SLC25A30: variants seen among roughly 807,000 people sequenced by gnomAD.
The protein encoded by SLC25A30 is kidney mitochondrial carrier protein 1.
In SLC25A30, 29 loss-of-function variants were observed where a neutral mutation model predicts 42.7. The ratio of observed to expected loss-of-function variants is 0.68; its 90% CI spans 0.51 to 0.93. The LOEUF is 0.93. Among genes scored for constraint, SLC25A30 ranks in the 40% least tolerant of loss-of-function variants. The pLI, the probability that SLC25A30 is intolerant of heterozygous loss-of-function variation, is 0.00. For synonymous variants in SLC25A30, 124 were observed against 131.0 expected, an observed-to-expected ratio of 0.95 and a Z score of 0.37; for missense variants, 300 against 359.7, an observed-to-expected ratio of 0.83 and a Z score of 1.34.
Position 45,393,409 on chromosome 13 carries a change from A to G in SLC25A30, c.*2565T>C, listed in dbSNP as rs1225062937. ...AATGTTTAAATAAAGAGCTTGAAATATAAAGGCTTATGAAAACTTCATACT... is the reference window on the plus strand; with the variant it reads ...AATGTTTAAATAAAGAGCTTGAAATGTAAAGGCTTATGAAAACTTCATACT... On this transcript the variant is annotated 3_prime_UTR_variant, in exon 10 of 10. Coordinates refer to ENST00000519676, the MANE Select transcript of SLC25A30 (RefSeq NM_001010875.4). 4 of 983,054 alleles carry G rather than the reference A, an allele frequency of 4.1e-6. No homozygotes were observed. The highest frequency in any genetic ancestry group is 2.3e-4 in the East Asian group (2 of 8,816). The allele number at this position is 983,054 out of a possible 1,614,324, so 60.9% of individuals were successfully genotyped here.
the SLC25A30 span, among the ~76,000 whole-genome samples, chr13:45,423,472 G>A: frequency 5.8e-5 from 8 of 138,770 alleles, no homozygotes; most frequent in African/African-American, 1.9e-4. Flanking sequence ...AATTTATCCA[G>A]TAGCCTGTCT....
At chr13:45,432,590 T>A in the SLC25A30 span, among the ~76,000 whole-genome samples, 4 of 152,096 alleles carry the variant, frequency 2.6e-5, no homozygotes, top group South Asian at 4.1e-4. Context: ...TGTCCTGAGG[T>A]TTACACTCAG....
At chr13:45,425,308 A>AG in the SLC25A30 span, among the ~76,000 whole-genome samples, 1 of 99,588 alleles carries the variant, frequency 1.0e-5, no homozygotes, top group Non-Finnish European at 1.7e-5. Context: ...ACGTATATAT[A>AG]AATATATATG....
the SLC25A30 span, among the ~76,000 whole-genome samples, chr13:45,423,815 A>ATAAATATGTATTTATAT: frequency 1.8e-5 from 1 of 55,736 alleles, no homozygotes; most frequent in African/African-American, 7.1e-5. Context: ...TATATATAAA[A>ATAAATATGTATTTATAT]ATATAAATAT....
chr13:45,419,766 C>A (rs1883834216), upstream of SLC25A30, among the ~76,000 whole-genome samples: 1 of 151,382 alleles, frequency 6.6e-6, no homozygotes, highest in Admixed American at 6.6e-5. Flanking sequence ...CCCATCTCTA[C>A]TAAAAGTACA....
intron 9 of SLC25A30, 55 bp from the exon 10 acceptor site, chr13:45,396,070 C>T: frequency 6.2e-7 from 1 of 1,614,080 alleles, no homozygotes; most frequent in Non-Finnish European, 8.5e-7. Flanking sequence ...AACTCCAGTG[C>T]ATAACAACAG....
Position 45,394,151 on chromosome 13 carries a change from T to G in SLC25A30, c.*1823A>C. ...AACAAGCAGCAAGGCCTGAATGAGC[T>G]CTGGGGTCCTCTGCTGCCCTCTAGG... On this transcript the variant is annotated 3_prime_UTR_variant, in exon 10 of 10. Transcript: ENST00000519676. The G allele has an allele frequency of 1.0e-6, 1 of 985,354 alleles. No individual in the cohort carries two copies. The highest frequency in any genetic ancestry group is 1.2e-6 in the Non-Finnish European group (1 of 829,928). The allele number at this position is 985,354 out of a possible 1,614,324, so 61.0% of individuals were successfully genotyped here. A position where few individuals can be genotyped will look rare whatever the true frequency, so the allele number is the denominator to read the frequency against.
intron 1 of SLC25A30, among the ~76,000 whole-genome samples, chr13:45,412,119 C>CT (rs895597042): frequency 1.4e-5 from 2 of 147,044 alleles, no homozygotes; most frequent in Non-Finnish European, 3.0e-5. Context: ...CAAGCTACTT[C>CT]TTTTTTTGTT....
intron 5 of SLC25A30, among the ~76,000 whole-genome samples, chr13:45,403,467 T>C (rs1382487446): frequency 6.6e-6 from 1 of 152,224 alleles, no homozygotes; most frequent in Non-Finnish European, 1.5e-5. Context: ...AGGAATACTC[T>C]GTGGGGTTCA....
At chr13:45,428,624 G>C in the SLC25A30 span, among the ~76,000 whole-genome samples, 3 of 148,092 alleles carry the variant, frequency 2.0e-5, no homozygotes, top group Admixed American at 1.4e-4. Context: ...CCAGGTTCAA[G>C]CGATTCTCCT....
intron 3 of SLC25A30, among the ~76,000 whole-genome samples, chr13:45,407,759 A>G (rs554939370): frequency 6.6e-6 from 1 of 152,284 alleles, no homozygotes; most frequent in South Asian, 2.1e-4. Flanking sequence ...CTAAACCAGG[A>G]CATGGAAGCT....
chr13:45,406,764 G>A (rs1286618464), intron 3 of SLC25A30, among the ~76,000 whole-genome samples: 2 of 152,172 alleles, frequency 1.3e-5, no homozygotes, highest in African/African-American at 4.8e-5. Flanking sequence ...TCTTTGCAGT[G>A]TGTGCCACTG....
the SLC25A30 span, among the ~76,000 whole-genome samples, chr13:45,427,536 G>A: frequency 2.6e-5 from 4 of 151,992 alleles, no homozygotes; most frequent in South Asian, 6.3e-4. Context: ...AATCATCCAC[G>A]TTTCCCCATC....
Position 45,404,382 on chromosome 13 carries a change from C to T in SLC25A30, c.338G>A (p.Gly113Glu), listed in dbSNP as rs1388266997. ...TGAAGATATGACTCCAGACAGAATTCCACATATCACATTTATCGGTAGAGT... is the reference window on the plus strand; with the variant it reads ...TGAAGATATGACTCCAGACAGAATTTCACATATCACATTTATCGGTAGAGT... ...DETLPINVIC[G>E]ILSGVISSTI... Residue 113 changes from glycine to glutamate, a missense_variant, in exon 5 of 10, where the codon GGA becomes GAA. Coordinates refer to ENST00000519676, the MANE Select transcript of SLC25A30 (RefSeq NM_001010875.4). 2 of 1,613,354 alleles carry T rather than the reference C, an allele frequency of 1.2e-6. No homozygotes were observed. Among genetic ancestry groups the T allele is most frequent in the Non-Finnish European group, 1.7e-6 (2 of 1,179,374 alleles).
intron 5 of SLC25A30, chr13:45,402,735 A>G (rs1464520223): frequency 1.0e-6 from 1 of 976,870 alleles, no homozygotes; most frequent in East Asian, 1.1e-4. Flanking sequence ...GGTTTAATCT[A>G]ATTAATGAGT....
chr13:45,425,334 A>G, the SLC25A30 span, among the ~76,000 whole-genome samples: 1 of 109,194 alleles, frequency 9.2e-6, no homozygotes, highest in South Asian at 2.5e-4. Context: ...GTAACTATAT[A>G]TAAGTATATA....
the SLC25A30 span, among the ~76,000 whole-genome samples, chr13:45,423,830 TTATA>T: frequency 1.3e-5 from 1 of 76,358 alleles, no homozygotes; most frequent in African/African-American, 5.5e-5. Context: ...AAATATATAT[TTATA>T]TATATAAATA....
intron 6 of SLC25A30, 52 bp from the exon 7 acceptor site, chr13:45,401,259 A>G (rs1253708413): frequency 6.3e-7 from 1 of 1,580,834 alleles, no homozygotes; most frequent in Admixed American, 1.7e-5. Flanking sequence ...TCTGTAGAAC[A>G]AGCCTTGCAA....
chr13:45,407,772 A>G (rs1882652687), intron 3 of SLC25A30, among the ~76,000 whole-genome samples: 1 of 152,178 alleles, frequency 6.6e-6, no homozygotes, highest in Non-Finnish European at 1.5e-5. Context: ...TGGAAGCTCC[A>G]GCTACACACT....
Sources: allele counts gnomAD v4.1 joint callset (sites outside exome capture counted in the v4.1 genomes callset), GRCh38; gene constraint gnomAD v4.1.1; transcripts MANE v1.5; gene names NCBI Gene and HGNC (gene_info 2026-07-23, HGNC 2026-07-21).